The following POFUT3 variants were observed in gnomAD, a reference collection of about 807,000 sequenced individuals.
POFUT3 encodes the protein GDP-fucose protein O-fucosyltransferase 3.
the POFUT3 span, among the ~76,000 whole-genome samples, chr8:33,464,831 C>G: frequency 4.6e-5 from 7 of 152,136 alleles, no homozygotes; most frequent in Non-Finnish European, 1.0e-4. Context: ...TACCACCAGA[C>G]AATACCAACA....
the POFUT3 span, among the ~76,000 whole-genome samples, chr8:33,319,233 C>T: frequency 0.68 from 845 of 1,246 alleles, 251 homozygotes; most frequent in South Asian, 0.73. Context: ...ATATATTTTA[C>T]ATAATATATA....
the POFUT3 span, among the ~76,000 whole-genome samples, chr8:33,420,153 G>A: frequency 6.6e-6 from 1 of 151,994 alleles, no homozygotes; most frequent in Non-Finnish European, 1.5e-5. Context: ...TAAATAAAAT[G>A]TATGTACTTA....
chr8:33,352,140 G>A, the POFUT3 span, among the ~76,000 whole-genome samples: 2 of 152,310 alleles, frequency 1.3e-5, no homozygotes, highest in Non-Finnish European at 2.9e-5. Flanking sequence ...GTCCTGCTGA[G>A]GGTGAAGCCA....
the POFUT3 span, among the ~76,000 whole-genome samples, chr8:33,350,027 G>T: frequency 6.6e-6 from 1 of 151,978 alleles, no homozygotes. Context: ...GCTTTAATTT[G>T]CATTTCCCTG....
At chr8:33,435,804 C>T in the POFUT3 span, among the ~76,000 whole-genome samples, 1 of 152,112 alleles carries the variant, frequency 6.6e-6, no homozygotes, top group African/African-American at 2.4e-5. Context: ...ACCTGAGCCA[C>T]CATACTCGGC....
At chr8:33,343,779 C>T in the POFUT3 span, among the ~76,000 whole-genome samples, 1 of 152,132 alleles carries the variant, frequency 6.6e-6, no homozygotes, top group Non-Finnish European at 1.5e-5. Flanking sequence ...AGAAAATATC[C>T]AACTTCAATA....
the POFUT3 span, chr8:33,460,769 C>T: frequency 1.0e-6 from 1 of 985,244 alleles, no homozygotes; most frequent in South Asian, 4.7e-5. Flanking sequence ...ACCTCAGTTT[C>T]ACCTGTTTAA....
chr8:33,461,807 GAC>G, the POFUT3 span: 1 of 484,496 alleles, frequency 2.1e-6, no homozygotes, highest in African/African-American at 2.0e-5. Context: ...AAAAAACATA[GAC>G]ATTTTAAACT....
chr8:33,332,771 T>C, the POFUT3 span, among the ~76,000 whole-genome samples: 1 of 152,198 alleles, frequency 6.6e-6, no homozygotes, highest in South Asian at 2.1e-4. Flanking sequence ...GCCTTAACCA[T>C]TTCTCAGCCT....
chr8:33,418,583 G>A, the POFUT3 span, among the ~76,000 whole-genome samples: 40 of 152,134 alleles, frequency 2.6e-4, no homozygotes, highest in African/African-American at 9.2e-4. Context: ...GATTACAGGC[G>A]TGAGTCACCA....
At chr8:33,383,801 A>G in the POFUT3 span, among the ~76,000 whole-genome samples, 1 of 152,174 alleles carries the variant, frequency 6.6e-6, no homozygotes, top group East Asian at 1.9e-4. Context: ...TGTCTCAAAA[A>G]ACAACTGCCC....
the POFUT3 span, among the ~76,000 whole-genome samples, chr8:33,430,292 CT>C: frequency 1.3e-5 from 2 of 152,090 alleles, no homozygotes; most frequent in African/African-American, 4.8e-5. Flanking sequence ...ATCTTTATGC[CT>C]TCAACTCCTC....
chr8:33,443,695 T>C, the POFUT3 span, among the ~76,000 whole-genome samples: 5 of 152,152 alleles, frequency 3.3e-5, no homozygotes, highest in Non-Finnish European at 7.3e-5. Flanking sequence ...GGTTTTGCCA[T>C]CTTGGCCAGC....
the POFUT3 span, among the ~76,000 whole-genome samples, chr8:33,391,261 G>T: frequency 2.0e-5 from 3 of 152,174 alleles, no homozygotes; most frequent in African/African-American, 7.2e-5. Context: ...TTTAAACAAA[G>T]ATCAGATAAG....
At chr8:33,385,672 A>G in the POFUT3 span, among the ~76,000 whole-genome samples, 2 of 152,134 alleles carry the variant, frequency 1.3e-5, no homozygotes, top group Non-Finnish European at 2.9e-5. Flanking sequence ...ACTTGAGGTC[A>G]GGAGTTCGAG....
At chr8:33,458,414 G>A in the POFUT3 span, among the ~76,000 whole-genome samples, 1 of 151,976 alleles carries the variant, frequency 6.6e-6, no homozygotes, top group Non-Finnish European at 1.5e-5. Flanking sequence ...TATTTCATTT[G>A]CCTAAAAACA....
chr8:33,318,040 T>C, the POFUT3 span, among the ~76,000 whole-genome samples: 1 of 152,112 alleles, frequency 6.6e-6, no homozygotes. Flanking sequence ...CCTTTCATGG[T>C]AGAATTGCAG....
the POFUT3 span, among the ~76,000 whole-genome samples, chr8:33,329,319 T>C: frequency 6.6e-6 from 1 of 152,166 alleles, no homozygotes; most frequent in Non-Finnish European, 1.5e-5. Context: ...TAACAGGACA[T>C]TTGGAGAGTC....
the POFUT3 span, among the ~76,000 whole-genome samples, chr8:33,329,674 T>C: frequency 6.6e-6 from 1 of 152,144 alleles, no homozygotes; most frequent in Non-Finnish European, 1.5e-5. Context: ...CATTTTACTC[T>C]TAAGTAAATG....
Sources: gnomAD v4.1 joint callset for allele counts (sites outside exome capture counted in the v4.1 genomes callset) on GRCh38, gnomAD v4.1.1 for gene constraint, MANE v1.5 for transcripts, NCBI Gene and HGNC (gene_info 2026-07-23, HGNC 2026-07-21) for gene names.